Variants in MBNL3 observed in about 807,000 individuals in gnomAD.
MBNL3 encodes the protein muscleblind-like protein 3.
In MBNL3, 6 loss-of-function variants were observed where a neutral mutation model predicts 24.5. That is an observed-to-expected ratio of 0.25 (90% CI 0.13 to 0.48). The LOEUF (loss-of-function observed/expected upper bound fraction) is 0.48. Among genes scored for constraint, MBNL3 ranks in the 20% least tolerant of loss-of-function variants. The pLI is 0.99. For synonymous variants in MBNL3, 100 were observed against 101.7 expected, an observed-to-expected ratio of 0.98 and a Z score of 0.10; for missense variants, 230 against 293.5, an observed-to-expected ratio of 0.78 and a Z score of 1.58.
At chrX:132,463,152 T>C (rs753818113) in intron 1 of MBNL3, among the ~76,000 whole-genome samples, 1 of 112,674 alleles carries the variant, frequency 8.9e-6, no homozygotes, top group South Asian at 3.6e-4. Flanking sequence ...CTGACTATAC[T>C]TGGAAGCTGA....
At chrX:132,396,894 A>C (rs1273106232) in intron 3 of MBNL3, among the ~76,000 whole-genome samples, 1 of 65,545 alleles carries the variant, frequency 1.5e-5, no homozygotes, top group Non-Finnish European at 2.6e-5. Context: ...ATTCATATAT[A>C]TATTCATATA....
At chrX:132,481,235 T>C (rs187359685) in intron 1 of MBNL3, among the ~76,000 whole-genome samples, 4 of 111,990 alleles carry the variant, frequency 3.6e-5, no homozygotes, top group East Asian at 2.8e-4. Context: ...TCTTTGGGGA[T>C]AGACACAAGG....
rs192222494 is a variant in MBNL3, at chrX:132,377,220, C to G, written c.*2446G>C. On this transcript the variant is annotated 3_prime_UTR_variant, in exon 9 of 9. Coordinates refer to ENST00000370853, the MANE Select transcript of MBNL3 (RefSeq NM_001386889.1). ...TCCTGGATTCATGTAATCAGATCTG[C>G]CCTTCTGGAGAGGCACTGGCACGGA... The G allele has an allele frequency of 1.8e-5, 2 of 111,713 alleles. No individual in the cohort carries two copies. The highest frequency in any genetic ancestry group is 9.5e-5 in the Admixed American group (1 of 10,516). The allele number at this position is 111,713 out of a possible 1,213,427, so 9.2% of individuals were successfully genotyped here.
chrX:132,439,689 T>C lies in MBNL3; in HGVS notation c.-78A>G, dbSNP rs368255530. The C allele has an allele frequency of 1.9e-6, 2 of 1,072,652 alleles. No individual in the cohort carries two copies. The highest frequency in any genetic ancestry group is 1.2e-6 in the Non-Finnish European group (1 of 825,993). 88.4% of individuals were successfully genotyped at this position (1,072,652 alleles called of 1,213,427 possible). ...GGACTATTAAAGGATTAAAAATGAA[T>C]TCAAACTAAGTGCGAAGAGATAACA... On this transcript the variant is annotated 5_prime_UTR_variant, in exon 2 of 9. Coordinates refer to ENST00000370853, the MANE Select transcript of MBNL3 (RefSeq NM_001386889.1).
At chrX:132,463,569 T>G (rs1478326689) in intron 1 of MBNL3, among the ~76,000 whole-genome samples, 2 of 112,274 alleles carry the variant, frequency 1.8e-5, no homozygotes, top group East Asian at 2.8e-4. Context: ...CTCATTGTTA[T>G]CCACACACGG....
chrX:132,462,692 A>T (rs1037225711), intron 1 of MBNL3, among the ~76,000 whole-genome samples: 2 of 107,192 alleles, frequency 1.9e-5, no homozygotes, highest in Non-Finnish European at 3.8e-5. Flanking sequence ...GTGTGTGTGC[A>T]TGCATGTGTG....
In MBNL3 at chrX:132,386,783, A is replaced by G; in HGVS notation, c.800T>C (p.Ile267Thr). The change falls in exon 6 of 9, where the codon ATA (isoleucine) becomes ACA (threonine). Residue 267 changes from isoleucine to threonine, a missense_variant. Ile to Thr is a moderately conservative substitution (Grantham distance 89, BLOSUM62 -1). Coordinates refer to ENST00000370853, the MANE Select transcript of MBNL3 (RefSeq NM_001386889.1). ...CTTTTCCAGTGCTGATCTCTTTGGT[A>G]TCAGTTGCAGTGTACCAGGCTGCAG... ...MALQPGTLQL[I>T]PKRSALEKPN... 8.3e-7 allele frequency: 1 copy of G among 1,211,150 alleles called. No homozygotes were observed. The highest frequency in any genetic ancestry group is 1.7e-5 in the African/African-American group (1 of 57,559).
chrX:132,407,519 A>G (rs1424294169), intron 2 of MBNL3, among the ~76,000 whole-genome samples: 1 of 112,594 alleles, frequency 8.9e-6, no homozygotes, highest in South Asian at 3.7e-4. Context: ...TTATATTTCT[A>G]TGCAAACCTT....
intron 2 of MBNL3, among the ~76,000 whole-genome samples, chrX:132,420,636 C>G (rs749142338): frequency 9.0e-6 from 1 of 110,741 alleles, no homozygotes; most frequent in South Asian, 3.9e-4. Context: ...CCTGATTGAT[C>G]GGGTGTGAGC....
intron 3 of MBNL3, among the ~76,000 whole-genome samples, chrX:132,398,631 T>A (rs759047039): frequency 1.8e-5 from 2 of 111,286 alleles, no homozygotes; most frequent in Non-Finnish European, 3.8e-5. Context: ...TTATCTAGTT[T>A]TAACAAAGGG....
At chrX:132,470,328 G>C (rs1188696515) in intron 1 of MBNL3, among the ~76,000 whole-genome samples, 2 of 110,766 alleles carry the variant, frequency 1.8e-5, no homozygotes, top group Admixed American at 1.9e-4. Context: ...TAGAAACATG[G>C]CTGACTCATA....
intron 3 of MBNL3, among the ~76,000 whole-genome samples, chrX:132,397,991 CTTGTT>C (rs1569427912): frequency 9.0e-6 from 1 of 110,877 alleles, no homozygotes; most frequent in East Asian, 2.8e-4. Flanking sequence ...ACTAATCGTA[CTTGTT>C]AATGAATAAG....
At chrX:132,484,933 G>GCGCA (rs1556375881) in intron 1 of MBNL3, among the ~76,000 whole-genome samples, 5 of 102,610 alleles carry the variant, frequency 4.9e-5, no homozygotes, top group Middle Eastern at 4.8e-3. Flanking sequence ...ATACACACGC[G>GCGCA]CACACACACA....
At chrX:132,405,552 G>A (rs1344331414) in intron 3 of MBNL3, among the ~76,000 whole-genome samples, 1 of 111,584 alleles carries the variant, frequency 9.0e-6, no homozygotes. Flanking sequence ...TAACTTTTCT[G>A]TAAATCTAAA....
At chrX:132,413,184 C>T (rs181599026) in intron 2 of MBNL3, among the ~76,000 whole-genome samples, 30 of 111,546 alleles carry the variant, frequency 2.7e-4, no homozygotes, top group African/African-American at 9.8e-4. Context: ...ACACCCCATC[C>T]ACTCACTTGC....
chrX:132,402,560 G>A (rs1941121647), intron 3 of MBNL3, among the ~76,000 whole-genome samples: 1 of 111,404 alleles, frequency 9.0e-6, no homozygotes, highest in South Asian at 3.7e-4. Context: ...CTTTTTTGCT[G>A]GGAACATCAG....
intron 8 of MBNL3, among the ~76,000 whole-genome samples, chrX:132,381,027 A>G (rs971725714): frequency 1.8e-5 from 2 of 111,919 alleles, no homozygotes; most frequent in Non-Finnish European, 3.8e-5. Context: ...TCAAAAAAAA[A>G]ATGAAGCTAT....
At chrX:132,404,644 T>C (rs1941491672) in intron 3 of MBNL3, among the ~76,000 whole-genome samples, 1 of 112,048 alleles carries the variant, frequency 8.9e-6, no homozygotes, top group African/African-American at 3.2e-5. Context: ...AAAAAGAGTA[T>C]GGTGCAAACC....
At chrX:132,486,493 T>C (rs73556192) in intron 1 of MBNL3, among the ~76,000 whole-genome samples, 255 of 111,959 alleles carry the variant, frequency 2.3e-3, no homozygotes, top group African/African-American at 8.1e-3. Context: ...AAGCATGAAG[T>C]ATACAAGTGC....
Sources: allele counts gnomAD v4.1 joint callset (sites outside exome capture counted in the v4.1 genomes callset), GRCh38; gene constraint gnomAD v4.1.1; transcripts MANE v1.5; gene names NCBI Gene and HGNC (gene_info 2026-07-23, HGNC 2026-07-21).